LRRC20: variants seen among roughly 807,000 people sequenced by gnomAD.
LRRC20 encodes leucine rich repeat containing 20, also known as leucine-rich repeat-containing protein 20.
Under a neutral mutation model 14.4 loss-of-function variants are expected in LRRC20, and 11 were observed. The observed-to-expected ratio is 0.77, with a 90% CI of 0.48 to 1.27. The LOEUF is 1.27. Among genes scored for constraint, LRRC20 ranks in the 50% most tolerant of loss-of-function variants. The pLI, the probability that LRRC20 is intolerant of heterozygous loss-of-function variation, is 0.00. For missense variants in LRRC20, 219 were observed against 251.2 expected (o/e 0.87, Z 0.87); for synonymous variants, 121 against 107.3 (o/e 1.13, Z -0.79).
At chr10:70,364,038 T>A (rs991723646) in intron 2 of LRRC20, among the ~76,000 whole-genome samples, 2 of 152,222 alleles carry the variant, frequency 1.3e-5, no homozygotes, top group African/African-American at 4.8e-5. Context: ...TCAGCCCTTG[T>A]GGCAAACAAA....
chr10:70,325,392 G>A (rs1309832273), intron 3 of LRRC20, among the ~76,000 whole-genome samples: 1 of 152,116 alleles, frequency 6.6e-6, no homozygotes, highest in African/African-American at 2.4e-5. Context: ...TCCCATCCCT[G>A]TTCTGCAATG....
chr10:70,333,019 A>G (rs1207109571), intron 3 of LRRC20, among the ~76,000 whole-genome samples: 1 of 152,234 alleles, frequency 6.6e-6, no homozygotes, highest in Non-Finnish European at 1.5e-5. Flanking sequence ...CATAAACAGC[A>G]ACAAGAGAGG....
chr10:70,352,513 C>T (rs977164967), intron 2 of LRRC20, among the ~76,000 whole-genome samples: 1 of 152,174 alleles, frequency 6.6e-6, no homozygotes, highest in Non-Finnish European at 1.5e-5. Flanking sequence ...TGTCATTATA[C>T]ATTAATCTGA....
intron 1 of LRRC20, among the ~76,000 whole-genome samples, chr10:70,378,093 G>A (rs988082709): frequency 3.3e-5 from 5 of 152,134 alleles, no homozygotes; most frequent in African/African-American, 4.8e-5. Context: ...CCCAGGACAC[G>A]TAAATACTCA....
rs188889981 is a variant in LRRC20 at position 70,341,099 on chromosome 10, G to A, written c.83-397C>T. 2.9e-4 allele frequency among the ~76,000 whole-genome samples: 44 copies of A among 152,306 alleles called. No individual in the cohort carries two copies. The South Asian group carries it at 6.6e-3, about 23-fold the overall frequency. ...GCAGTCTAAAGACTGCTTTACAATAGTCTACTTCTTTGAAAACAGGCAATT... is the reference window on the plus strand; with the variant it reads ...GCAGTCTAAAGACTGCTTTACAATAATCTACTTCTTTGAAAACAGGCAATT... On this transcript the variant is annotated intron_variant, in intron 2 of 4. Coordinates refer to ENST00000446961, the MANE Select transcript of LRRC20 (RefSeq NM_001278212.2).
rs149321541 is a variant in LRRC20 at position 70,339,795 on chromosome 10, A to G, written c.232+758T>C. Among the ~76,000 whole-genome samples the G allele has an allele frequency of 2.6e-4, 39 of 152,218 alleles. 1 individual carries two copies. The East Asian group carries it at 7.3e-3, about 29-fold the overall frequency. On this transcript the variant is annotated intron_variant, in intron 3 of 4. Coordinates refer to ENST00000446961, the MANE Select transcript of LRRC20 (RefSeq NM_001278212.2). ...TGCCACCTTGATGGCAAGCACCTACAACCACATGCTCTGAATATGCCCAGC... is the reference window on the plus strand; with the variant it reads ...TGCCACCTTGATGGCAAGCACCTACGACCACATGCTCTGAATATGCCCAGC...
At position 70,376,571 on chromosome 10, in the gene LRRC20, T is replaced by C; in HGVS notation, c.-38A>G. 1 of 1,593,276 alleles carries C rather than the reference T, an allele frequency of 6.3e-7. No individual in the cohort carries two copies. Among genetic ancestry groups the C allele is most frequent in the Non-Finnish European group, 8.6e-7 (1 of 1,164,966 alleles). ...GTCCTGCCGCCAGCCCCCAGGCTGG[T>C]CTGCTTCTCACAAAAGGGCCTGAGC... On this transcript the variant is annotated 5_prime_UTR_variant, in exon 2 of 5. Transcript: ENST00000446961.
chr10:70,347,449 G>A (rs1387916402), intron 2 of LRRC20, among the ~76,000 whole-genome samples: 1 of 146,176 alleles, frequency 6.8e-6, no homozygotes. Flanking sequence ...CCAGCCCACA[G>A]TCCCATTCCG....
chr10:70,380,046 G>A (rs190667797), intron 1 of LRRC20, among the ~76,000 whole-genome samples: 101 of 152,272 alleles, frequency 6.6e-4, no homozygotes, highest in African/African-American at 2.3e-3. Context: ...CTGTGCAGCC[G>A]GGTTCCTCAC....
At chr10:70,325,782 C>A (rs1160497886) in intron 3 of LRRC20, among the ~76,000 whole-genome samples, 1 of 152,184 alleles carries the variant, frequency 6.6e-6, no homozygotes. Context: ...ACGGGGCCCC[C>A]GGGCCCTCTG....
chr10:70,301,898 A>G (rs1487329775), intron 4 of LRRC20, among the ~76,000 whole-genome samples: 1 of 152,232 alleles, frequency 6.6e-6, no homozygotes, highest in Non-Finnish European at 1.5e-5. Context: ...GAATGGATAA[A>G]CAATATGATA....
At chr10:70,354,533 ACT>A (rs1843452893) in intron 2 of LRRC20, among the ~76,000 whole-genome samples, 1 of 152,006 alleles carries the variant, frequency 6.6e-6, no homozygotes, top group East Asian at 1.9e-4. Flanking sequence ...AGAATCAGAA[ACT>A]CTGGGGGTAA....
intron 2 of LRRC20, among the ~76,000 whole-genome samples, chr10:70,368,002 G>GTTATGTTATGTT (rs1279721419): frequency 5.3e-4 from 80 of 149,700 alleles, no homozygotes; most frequent in South Asian, 8.5e-4. Flanking sequence ...GTTATTTTTT[G>GTTATGTTATGTT]AGATGGAGTC....
chr10:70,309,616 T>C (rs754918901), intron 4 of LRRC20, among the ~76,000 whole-genome samples: 11 of 152,216 alleles, frequency 7.2e-5, no homozygotes, highest in Admixed American at 1.3e-4. Flanking sequence ...ACTTGAGAAA[T>C]GGTGGCTCAG....
At chr10:70,361,153 T>C (rs1233191800) in intron 2 of LRRC20, among the ~76,000 whole-genome samples, 1 of 152,166 alleles carries the variant, frequency 6.6e-6, no homozygotes, top group African/African-American at 2.4e-5. Flanking sequence ...ATTTGCTGGC[T>C]GTGAGCGTCC....
intron 1 of LRRC20, among the ~76,000 whole-genome samples, chr10:70,379,246 T>C (rs1480409594): frequency 6.6e-6 from 1 of 152,162 alleles, no homozygotes; most frequent in Non-Finnish European, 1.5e-5. Context: ...CAGAAGGGAA[T>C]AGAAAGGACT....
chr10:70,312,283 C>T (rs1324047912), intron 4 of LRRC20, among the ~76,000 whole-genome samples: 3 of 152,176 alleles, frequency 2.0e-5, no homozygotes, highest in Non-Finnish European at 2.9e-5. Context: ...GCTGCATACC[C>T]CCTCTCAAAA....
intron 4 of LRRC20, among the ~76,000 whole-genome samples, chr10:70,305,517 T>C (rs1003878895): frequency 6.6e-6 from 1 of 152,216 alleles, no homozygotes; most frequent in Non-Finnish European, 1.5e-5. Context: ...CTGAACTTCA[T>C]ATAAATGGAA....
chr10:70,352,299 T>C (rs1271682872), intron 2 of LRRC20, among the ~76,000 whole-genome samples: 1 of 152,184 alleles, frequency 6.6e-6, no homozygotes, highest in Non-Finnish European at 1.5e-5. Flanking sequence ...GGCCTTGGTG[T>C]TTGTATGAAA....
Sources: allele counts gnomAD v4.1 joint callset (sites outside exome capture counted in the v4.1 genomes callset), GRCh38; gene constraint gnomAD v4.1.1; transcripts MANE v1.5; gene names NCBI Gene and HGNC (gene_info 2026-07-23, HGNC 2026-07-21).